Variants in NOXA1 observed in about 807,000 individuals in gnomAD.
NOXA1 encodes the protein NADPH oxidase activator 1, also known as NCF2-like protein.
In NOXA1, 56 loss-of-function variants were observed where a neutral mutation model predicts 64.8. That is an observed-to-expected ratio of 0.86 (90% confidence interval 0.70 to 1.08). The LOEUF is 1.08. Among genes scored for constraint, NOXA1 ranks in the 50% least tolerant of loss-of-function variants. The probability of loss-of-function intolerance (pLI) is 0.00; values close to 1 mark genes in which losing one functional copy is unlikely to be tolerated. For synonymous variants in NOXA1, 295 were observed against 294.8 expected (o/e 1.00, Z -0.01); for missense variants, 668 against 658.5 (o/e 1.01, Z -0.16).
rs141290235 is a variant in NOXA1, at chr9:137,434,321, C to T, written c.1392C>T (p.Pro464=). Residue 464 remains proline (P), a synonymous_variant, in exon 14 of 14, where the codon CCC becomes CCT. Coordinates refer to ENST00000683555, the MANE Select transcript of NOXA1 (RefSeq NM_001256067.2). ...CCGGCCCTCGGATGTCAGGAGCCCC[C>T]GGCCGCCTGCCCCGATCCCAGCAGG... ...VPAGPRMSGA[P]GRLPRSQQGD... is the part of the protein sequence containing the mutation. The T allele has an allele frequency of 7.8e-5, 126 of 1,607,744 alleles. No individual in the cohort carries two copies. In the African/African-American group the frequency reaches 1.4e-3, roughly 17 times the overall value.
At chr9:137,434,178 G>T in intron 13 of NOXA1, 46 bp from the exon 14 acceptor site, 1 of 1,585,526 alleles carries the variant, frequency 6.3e-7, no homozygotes. Flanking sequence ...GCACCCAGAG[G>T]CCACGCCTGG....
rs1156544638 is a variant in NOXA1, at chr9:137,423,572, G to A, written c.43G>A (p.Ala15Thr). 1.4e-6 allele frequency: 2 copies of A among 1,457,650 alleles called. No individual in the cohort carries two copies. Among genetic ancestry groups the A allele is most frequent in the Non-Finnish European group, 1.8e-6 (2 of 1,103,136 alleles). 90.3% of individuals were successfully genotyped at this position (1,457,650 alleles called of 1,614,324 possible). A position where few individuals can be genotyped will look rare whatever the true frequency, so the allele number is the denominator to read the frequency against. ...CCTGGTGCGCGCCTGGCACCTGGGC[G>A]CGCAGGCTGTGGATCGTGGGGACTG... ...GDLVRAWHLG[A>T]QAVDRGDWAR... The change falls in exon 1 of 14, where the codon GCG becomes ACG. Residue 15 changes from alanine (A) to threonine (T), a missense_variant. Physicochemically the swap from Ala to Thr is moderately conservative, Grantham distance 58 (BLOSUM62 0). Transcript: ENST00000683555.
In NOXA1 at chr9:137,434,285, C is replaced by T. The variant is rs779221910; in HGVS notation, c.1356C>T (p.Phe452=). The part of the protein sequence containing the change: ...DGRIGIFPKC[F]VVPAGPRMSG... ...GCATCGGCATCTTCCCCAAGTGCTT[C>T]GTGGTCCCCGCCGGCCCTCGGATGT... The change falls in exon 14 of 14, where the codon TTC becomes TTT. Residue 452 remains phenylalanine (F), a synonymous_variant. Transcript: ENST00000683555. The T allele has an allele frequency of 1.7e-5, 28 of 1,610,924 alleles. No homozygotes were observed. Among genetic ancestry groups the T allele is most frequent in the Non-Finnish European group, 2.2e-5 (26 of 1,179,648 alleles).
At chr9:137,433,724 G>GC (rs1167594379) in intron 11 of NOXA1, 26 bp from the exon 12 acceptor site, 4 of 1,469,246 alleles carry the variant, frequency 2.7e-6, no homozygotes, top group Non-Finnish European at 3.6e-6. Flanking sequence ...CACCCAGGAG[G>GC]CCCCCTCTGA....
chr9:137,429,162 G>A (rs563526372), intron 4 of NOXA1, 114 bp from the exon 5 acceptor site: 134 of 1,331,380 alleles, frequency 1.0e-4, no homozygotes, highest in African/African-American at 9.4e-4. Context: ...TGTGACCTGC[G>A]GGAAGGGGGT....
At chr9:137,432,920 G>A in intron 8 of NOXA1, 109 bp from the exon 9 acceptor site, 1 of 1,218,256 alleles carries the variant, frequency 8.2e-7, no homozygotes, top group Admixed American at 2.0e-5. Context: ...CCACCTGCTG[G>A]GTGCTGGCCG....
At position 137,429,304 on chromosome 9, in the gene NOXA1, T is replaced by C; in HGVS notation, c.533T>C (p.Val178Ala). Residue 178 changes from valine to alanine, a missense_variant, in exon 5 of 14, where the codon GTC (valine) becomes GCC (alanine). Physicochemically the swap from Val to Ala is moderately conservative, Grantham distance 64. Transcript: ENST00000683555. ...CGGGGCTCACTGCCGCCACGGCAGGTCCCCAGGGGCGAGGTCTTCCGGCCC... is the reference window on the plus strand; with the variant it reads ...CGGGGCTCACTGCCGCCACGGCAGGCCCCCAGGGGCGAGGTCTTCCGGCCC... ...QRRGSLPPRQ[V>A]PRGEVFRPHR... is the part of the protein sequence containing the mutation. The C allele has an allele frequency of 2.5e-6, 4 of 1,570,120 alleles. No homozygotes were observed. Among genetic ancestry groups the C allele is most frequent in the Non-Finnish European group, 2.6e-6 (3 of 1,158,792 alleles).
intron 10 of NOXA1, 72 bp downstream of exon 10, chr9:137,433,335 C>A: frequency 1.3e-6 from 2 of 1,489,536 alleles, no homozygotes; most frequent in South Asian, 2.6e-5. Context: ...CCCTCAGAAT[C>A]AAGGCTTGCA....
In NOXA1 at chr9:137,431,493, C is replaced by T; in HGVS notation, c.804+152C>T. 1.5e-6 allele frequency: 1 copy of T among 668,512 alleles called. No individual in the cohort carries two copies. The highest frequency in any genetic ancestry group is 2.6e-6 in the Non-Finnish European group (1 of 387,152). 41.4% of individuals were successfully genotyped at this position (668,512 alleles called of 1,614,324 possible). The stretch of plus-strand genomic sequence containing the variant: ...GCTCACCCGTGGTCCTGGCCCAGCC[C>T]AGCCAGATGGGAGGATGCCTGGCTG... On this transcript the variant is annotated intron_variant, in intron 8 of 13. Transcript: ENST00000683555. This position sits in a 1 kb window ranked among gnomAD's most constrained non-coding sequence, Gnocchi z 5.6.
At position 137,423,645 on chromosome 9, in the gene NOXA1, G is replaced by A. The variant is rs771645683; in HGVS notation, c.116G>A (p.Arg39Lys). 1 of 1,426,756 alleles carries A rather than the reference G, an allele frequency of 7.0e-7. No individual in the cohort carries two copies. The highest frequency in any genetic ancestry group is 1.5e-5 in the African/African-American group (1 of 67,836). The allele number at this position is 1,426,756 out of a possible 1,614,324, so 88.4% of individuals were successfully genotyped here. A position where few individuals can be genotyped will look rare whatever the true frequency, so the allele number is the denominator to read the frequency against. Residue 39 changes from arginine (R) to lysine (K), a missense_variant, in exon 1 of 14, where the codon AGG (arginine) becomes AAG (lysine). Arg to Lys is a conservative substitution (Grantham distance 26). Coordinates refer to ENST00000683555, the MANE Select transcript of NOXA1 (RefSeq NM_001256067.2). ...LFSGVPAPPA[R>K]LCFNAGCVHL... ...TCGGGCGTCCCGGCGCCGCCCGCCA[G>A]GCTGTGCTTCAACGCGGGCTGCGTG...
Position 137,428,989 on chromosome 9 carries a change from C to T in NOXA1, c.477C>T (p.Gly159=), listed in dbSNP as rs773711677. Residue 159 remains glycine (G), a synonymous_variant, in exon 4 of 14, where the codon GGC becomes GGT. Transcript: ENST00000683555. ...MSKWPEGSLN[G]LDSALDQVQR... The stretch of plus-strand genomic sequence containing the variant: ...AGTGGCCGGAGGGGTCCCTGAATGG[C>T]CTGGACTCAGCCCTGGACCAAGTGC... 1.3e-6 allele frequency: 2 copies of T among 1,592,958 alleles called. No homozygotes were observed. The highest frequency in any genetic ancestry group is 1.1e-5 in the South Asian group (1 of 87,610).
At chr9:137,427,044 G>T (rs1006105715) in intron 2 of NOXA1, among the ~76,000 whole-genome samples, 1 of 152,120 alleles carries the variant, frequency 6.6e-6, no homozygotes, top group Admixed American at 6.5e-5. Flanking sequence ...TGATCCACCC[G>T]CCTCGGCCTC....
At chr9:137,430,333 G>A (rs1194783371) in intron 5 of NOXA1, among the ~76,000 whole-genome samples, 1 of 152,168 alleles carries the variant, frequency 6.6e-6, no homozygotes, top group African/African-American at 2.4e-5. Context: ...AGAACTCCTG[G>A]TGGGCAAAGA....
chr9:137,433,141 T>C, intron 9 of NOXA1, 64 bp from the exon 10 acceptor site: 7 of 1,607,650 alleles, frequency 4.4e-6, no homozygotes, highest in African/African-American at 1.3e-5. Flanking sequence ...GGGTGCCGGC[T>C]GCCCTCCACC....
intron 1 of NOXA1, 101 bp from the exon 2 acceptor site, chr9:137,426,147 G>A (rs2131873470): frequency 3.7e-6 from 4 of 1,088,144 alleles, no homozygotes; most frequent in Middle Eastern, 2.0e-4. Flanking sequence ...GTCCCCAGGG[G>A]CTGACGGAAT....
intron 2 of NOXA1, among the ~76,000 whole-genome samples, chr9:137,427,416 T>C (rs564467315): frequency 6.6e-6 from 1 of 152,242 alleles, no homozygotes; most frequent in Admixed American, 6.5e-5. Context: ...GACCACCACA[T>C]ACGCAGTCGC....
At position 137,431,335 on chromosome 9, in the gene NOXA1, G is replaced by A; in HGVS notation, c.798G>A (p.Gln266=). The change falls in exon 8 of 14, where the codon CAG becomes CAA. Residue 266 remains glutamine, a synonymous_variant. Transcript: ENST00000683555. The surrounding 1 kb of genome is among the most constrained non-coding windows in gnomAD (Gnocchi z 5.6). ...GADRCTSTAY[Q]EQRPQVEQVG... is the part of the protein sequence containing the mutation. ...ACCGCTGCACGTCGACTGCCTACCA[G>A]GAGCAGGTGCGTGGGCCTGGGCCTC... The A allele has an allele frequency of 6.2e-7, 1 of 1,608,200 alleles. No homozygotes were observed.
rs144340060 is a variant in NOXA1, at chr9:137,433,503, C to T, written c.960C>T (p.Cys320=). 1,808 of 1,603,460 alleles carry T rather than the reference C, an allele frequency of 1.1e-3. 3 individuals are homozygous for T. The highest frequency in any genetic ancestry group is 1.4e-3 in the Non-Finnish European group (1,660 of 1,178,520). The change falls in exon 11 of 14, where the codon TGC becomes TGT. Residue 320 remains cysteine (C), a synonymous_variant. Coordinates refer to ENST00000683555, the MANE Select transcript of NOXA1 (RefSeq NM_001256067.2). The stretch of plus-strand genomic sequence containing the variant: ...CCCTGGTGACTGTCACCGTGCAGTG[C>T]GCCTTCACAGTGGCCCTGAGGGCAC... ...SEPLVTVTVQ[C]AFTVALRARR...
rs1450548294 is a variant in NOXA1, at chr9:137,432,998, C to T, written c.805-31C>T. 8 of 1,611,448 alleles carry T rather than the reference C, an allele frequency of 5.0e-6. No individual in the cohort carries two copies. In the Admixed American group the frequency reaches 1.2e-4, roughly 24 times the overall value. ...TACCGGCCTCCAGCACCTGACCGCC[C>T]CAGCCCACCCAGCCTGTGCTTCTCT... On this transcript the variant is annotated intron_variant, in intron 8 of 13. Coordinates refer to ENST00000683555, the MANE Select transcript of NOXA1 (RefSeq NM_001256067.2).
Sources: allele counts gnomAD v4.1 joint callset (sites outside exome capture counted in the v4.1 genomes callset), GRCh38; gene constraint gnomAD v4.1.1; non-coding constraint Gnocchi (gnomAD v3.1); transcripts MANE v1.5; gene names NCBI Gene and HGNC (gene_info 2026-07-23, HGNC 2026-07-21).